The following PPAT variants were observed in gnomAD, a reference collection of about 807,000 sequenced individuals.
The protein encoded by PPAT is phosphoribosyl pyrophosphate amidotransferase.
Under a neutral mutation model 60.2 loss-of-function variants are expected in PPAT, and 20 were observed. That is an observed-to-expected ratio of 0.33 (90% CI 0.23 to 0.48). The LOEUF (loss-of-function observed/expected upper bound fraction) is 0.48, where lower values mean the gene tolerates loss of function less well. Among genes scored for constraint, PPAT ranks in the 20% least tolerant of loss-of-function variants. The pLI is 0.99. For synonymous variants in PPAT, 194 were observed against 215.1 expected (o/e 0.90, Z 0.86); for missense variants, 349 against 629.6 (o/e 0.55, Z 4.77).
intron 3 of PPAT, among the ~76,000 whole-genome samples, chr4:56,404,566 A>T (rs769928807): frequency 6.7e-5 from 10 of 149,240 alleles, no homozygotes; most frequent in Non-Finnish European, 1.3e-4. Context: ...GCTAAAGGTA[A>T]AGATAAAGTT....
intron 1 of PPAT, chr4:56,422,854 T>C (rs1717111773): frequency 6.6e-6 from 1 of 152,210 alleles, no homozygotes; most frequent in Admixed American, 6.5e-5. Flanking sequence ...TCTCCAAGTG[T>C]AGCAGCATCA....
At chr4:56,406,859 T>C (rs1716254831) in intron 2 of PPAT, among the ~76,000 whole-genome samples, 158 bp from the exon 3 acceptor site, 1 of 152,032 alleles carries the variant, frequency 6.6e-6, no homozygotes, top group Admixed American at 6.6e-5. Context: ...CAAAAACAAA[T>C]AACCTAATTG....
chr4:56,417,842 G>GTT (rs35004501), intron 1 of PPAT, among the ~76,000 whole-genome samples: 2,738 of 136,102 alleles, frequency 0.02, 43 homozygotes, highest in Non-Finnish European at 0.033. Context: ...TTGGTTTTTT[G>GTT]TTTTTTTTTT....
chr4:56,404,637 G>A (rs1357127965), intron 3 of PPAT, among the ~76,000 whole-genome samples: 3 of 152,022 alleles, frequency 2.0e-5, no homozygotes, highest in Non-Finnish European at 2.9e-5. Flanking sequence ...TCTAAGTGGT[G>A]AATTTTTAAG....
At chr4:56,399,145 C>G in intron 9 of PPAT, 34 bp downstream of exon 9, 1 of 1,544,892 alleles carries the variant, frequency 6.5e-7, no homozygotes, top group South Asian at 1.1e-5. Context: ...TTATTGTTAA[C>G]TTATGCTTTA....
At chr4:56,433,013 A>G (rs1313892158) in intron 1 of PPAT, among the ~76,000 whole-genome samples, 1 of 150,738 alleles carries the variant, frequency 6.6e-6, no homozygotes, top group African/African-American at 2.4e-5. Flanking sequence ...ATATATATAT[A>G]AAACTAAACT....
intron 1 of PPAT, among the ~76,000 whole-genome samples, chr4:56,409,053 G>C (rs1716334831): frequency 6.6e-6 from 1 of 152,092 alleles, no homozygotes; most frequent in Admixed American, 6.5e-5. Context: ...CCTCAAACTT[G>C]GTGCTTGAAT....
rs1224740215 is a variant in PPAT at position 56,396,402 on chromosome 4, T to C, written c.1357+217A>G. On this transcript the variant is annotated intron_variant, in intron 10 of 10. Coordinates refer to ENST00000264220, the MANE Select transcript of PPAT (RefSeq NM_002703.5). This position sits in a 1 kb window ranked among gnomAD's most constrained non-coding sequence, Gnocchi z 4.6. Reference sequence around the variant, plus strand: ...CCACCTGGAAACCACCTCTTCCTTCTCTGATCTCACCTTGGCTTAGCTCTC... The same window carrying C: ...CCACCTGGAAACCACCTCTTCCTTCCCTGATCTCACCTTGGCTTAGCTCTC... 1 of 358,466 alleles carries C rather than the reference T, an allele frequency of 2.8e-6. No homozygotes were observed. Among genetic ancestry groups the C allele is most frequent in the Non-Finnish European group, 4.9e-6 (1 of 204,288 alleles). The allele number at this position is 358,466 out of a possible 1,614,324, so 22.2% of individuals were successfully genotyped here. A position where few individuals can be genotyped will look rare whatever the true frequency, so the allele number is the denominator to read the frequency against.
At position 56,394,777 on chromosome 4, in the gene PPAT, A is replaced by G. The variant is rs1715919708; in HGVS notation, c.*575T>C. On this transcript the variant is annotated 3_prime_UTR_variant, in exon 11 of 11. Transcript: ENST00000264220. Reference sequence around the variant, plus strand: ...AAGTGAAATGATGGCTCAAATCACAAAAGTATGACACTTATTCACATTCTT... The same window carrying G: ...AAGTGAAATGATGGCTCAAATCACAGAAGTATGACACTTATTCACATTCTT... 6.6e-6 allele frequency: 1 copy of G among 151,834 alleles called. No homozygotes were observed. Among genetic ancestry groups the G allele is most frequent in the South Asian group, 2.1e-4 (1 of 4,812 alleles). The allele number at this position is 151,834 out of a possible 1,614,324, so 9.4% of individuals were successfully genotyped here. A position where few individuals can be genotyped will look rare whatever the true frequency, so the allele number is the denominator to read the frequency against.
chr4:56,429,684 CAA>C (rs2110067615), intron 1 of PPAT, among the ~76,000 whole-genome samples: 1 of 152,188 alleles, frequency 6.6e-6, no homozygotes, highest in African/African-American at 2.4e-5. Flanking sequence ...TTAGTTAACA[CAA>C]AAAATTGAAG....
At chr4:56,412,891 T>C (rs1256893686) in intron 1 of PPAT, among the ~76,000 whole-genome samples, 8 of 152,226 alleles carry the variant, frequency 5.3e-5, no homozygotes, top group South Asian at 2.1e-4. Context: ...ATTATAAAAT[T>C]ATAAGCACAT....
rs759160817 is a variant in PPAT at position 56,403,021 on chromosome 4, T to C, written c.661+19A>G. The stretch of plus-strand genomic sequence containing the variant: ...ATGGAAAAACACTATGAAATGATAT[T>C]CCTTCTAAAGTTTATTACCTTTGTC... On this transcript the variant is annotated intron_variant, in intron 5 of 10. Transcript: ENST00000264220. 10 of 1,574,230 alleles carry C rather than the reference T, an allele frequency of 6.4e-6. No individual in the cohort carries two copies. The highest frequency in any genetic ancestry group is 8.6e-6 in the Non-Finnish European group (10 of 1,160,874).
In PPAT at chr4:56,435,583, G is replaced by C. The variant is rs1460995511; in HGVS notation, c.-106C>G. Reference sequence around the variant, plus strand: ...AGCTCAGAAGCTCGCGCTCGCGACAGGCTCTTCCTTCCCGAGGGTGGCCCC... The same window carrying C: ...AGCTCAGAAGCTCGCGCTCGCGACACGCTCTTCCTTCCCGAGGGTGGCCCC... On this transcript the variant is annotated 5_prime_UTR_variant, in exon 1 of 11. Coordinates refer to ENST00000264220, the MANE Select transcript of PPAT (RefSeq NM_002703.5). 1.2e-5 allele frequency: 19 copies of C among 1,576,184 alleles called. No homozygotes were observed. Among genetic ancestry groups the C allele is most frequent in the Admixed American group, 6.9e-5 (4 of 58,074 alleles).
intron 1 of PPAT, chr4:56,422,540 T>A (rs918532531): frequency 1.6e-4 from 24 of 150,702 alleles, no homozygotes; most frequent in Non-Finnish European, 3.1e-4. Flanking sequence ...CATAAAATGC[T>A]ATTATAAGAC....
intron 1 of PPAT, among the ~76,000 whole-genome samples, chr4:56,428,328 T>C (rs1415107326): frequency 6.6e-6 from 1 of 152,008 alleles, no homozygotes; most frequent in Non-Finnish European, 1.5e-5. Flanking sequence ...GGTGTGACAG[T>C]GAGGTCAGAG....
chr4:56,423,315 T>C (rs1578133095), intron 1 of PPAT: 2 of 152,310 alleles, frequency 1.3e-5, no homozygotes, highest in East Asian at 1.9e-4. Flanking sequence ...ATGGCCTTTG[T>C]CATTAAGAGT....
At position 56,397,669 on chromosome 4, in the gene PPAT, T is replaced by G. The variant is rs564092086; in HGVS notation, c.1237-930A>C. On this transcript the variant is annotated intron_variant, in intron 9 of 10. Coordinates refer to ENST00000264220, the MANE Select transcript of PPAT (RefSeq NM_002703.5). ...TGAAATCTTAAAATAACTTAATATA[T>G]CTATATAAAAACATGTACACAATAA... Among the ~76,000 whole-genome samples the G allele has an allele frequency of 1.1e-3, 164 of 152,160 alleles. 1 individual carries two copies. Among genetic ancestry groups the G allele is most frequent in the African/African-American group, 3.8e-3 (159 of 41,512 alleles).
intron 1 of PPAT, chr4:56,419,586 A>T (rs191988733): frequency 2.6e-6 from 2 of 771,618 alleles, no homozygotes; most frequent in East Asian, 1.3e-4. Flanking sequence ...TATAATGCAT[A>T]TATCTTTTAC....
intron 1 of PPAT, among the ~76,000 whole-genome samples, chr4:56,433,077 C>G (rs941448962): frequency 6.6e-6 from 1 of 151,214 alleles, no homozygotes; most frequent in Non-Finnish European, 1.5e-5. Flanking sequence ...TTTCGAGCAG[C>G]AGATAATTGT....
Sources: allele counts gnomAD v4.1 joint callset (sites outside exome capture counted in the v4.1 genomes callset), GRCh38; gene constraint gnomAD v4.1.1; non-coding constraint Gnocchi (gnomAD v3.1); transcripts MANE v1.5; gene names NCBI Gene and HGNC (gene_info 2026-07-23, HGNC 2026-07-21).